Variants in CIB4 observed in about 807,000 individuals in gnomAD.
CIB4 encodes the protein calcium and integrin binding family member 4, also known as calcium and integrin-binding family member 4.
A neutral mutation model predicts 25.8 loss-of-function variants in CIB4; 25 were observed. The observed-to-expected ratio is 0.97, with a 90% CI of 0.71 to 1.35. The LOEUF (loss-of-function observed/expected upper bound fraction) is 1.35. Ranked by LOEUF, CIB4 falls within the 40% of genes most tolerant of loss-of-function variation. The pLI is 0.00. For synonymous variants in CIB4, 75 were observed against 81.4 expected (o/e 0.92, Z 0.42); for missense variants, 235 against 228.2 (o/e 1.03, Z -0.19).
At position 26,621,167 on chromosome 2, in the gene CIB4, A is replaced by G. The variant is rs1669196754; in HGVS notation, c.186+8243T>C. On this transcript the variant is annotated intron_variant, in intron 3 of 6. Coordinates refer to ENST00000288861, the MANE Select transcript of CIB4 (RefSeq NM_001029881.3). ...TGAGTGGGTCCTCCGCGTGCCTCAC[A>G]CACAGGGGAAAGGACTCGTGCCAAC... Among the ~76,000 whole-genome samples the G allele has an allele frequency of 2.6e-5, 4 of 151,806 alleles. No homozygotes were observed. In the South Asian group the frequency reaches 8.4e-4, roughly 32 times the overall value.
chr2:26,599,945 C>T lies in CIB4; in HGVS notation c.187-4628G>A, dbSNP rs1454168116. On this transcript the variant is annotated intron_variant, in intron 3 of 6. Transcript: ENST00000288861. ...AAAATTAGCTGGACATGGTGGCGTG[C>T]ACCTGTAGTCCCAGCTACTCAGGAG... Among the ~76,000 whole-genome samples, 5 of 146,548 alleles carry T rather than the reference C, an allele frequency of 3.4e-5. 1 individual carries two copies. The highest frequency in any genetic ancestry group is 1.3e-4 in the African/African-American group (5 of 38,166).
At position 26,638,959 on chromosome 2, in the gene CIB4, A is replaced by C. The variant is rs574063512; in HGVS notation, c.89+1574T>G. On this transcript the variant is annotated intron_variant, in intron 2 of 6. Transcript: ENST00000288861. ...AGAGCAAGACTCTGTCTCAAAAAAA[A>C]CCCCAAAAGCTTAAAAAAAAAAAAG... 3.6e-4 allele frequency among the ~76,000 whole-genome samples: 55 copies of C among 151,748 alleles called. No homozygotes were observed. The South Asian group carries it at 0.01, about 28-fold the overall frequency.
Position 26,588,978 on chromosome 2 carries a change from T to TTTCTTCTTCTTC in CIB4, c.329-5092_329-5081dup, listed in dbSNP as rs879474454. On this transcript the variant is annotated intron_variant, in intron 4 of 6. Transcript: ENST00000288861. Reference sequence around the variant, plus strand: ...CTGCTGCCGCTGCTGCCGCTTCTTCTTTCTTCTTCTTCTTCTTCTTCTTCT... The same window carrying TTTCTTCTTCTTC: ...CTGCTGCCGCTGCTGCCGCTTCTTCTTTCTTCTTCTTCTTCTTCTTCTTCTTCTTCTTCTTCT... Among the ~76,000 whole-genome samples the TTTCTTCTTCTTC allele has an allele frequency of 1.9e-3, 133 of 69,876 alleles. 3 individuals carry two copies. The highest frequency in any genetic ancestry group is 4.2e-3 in the East Asian group (11 of 2,600). The allele number at this position is 69,876 out of a possible 152,430, so 45.8% of individuals were successfully genotyped here.
chr2:26,623,493 T>TGTTCTAAGCAGATAGGAACTA, intron 3 of CIB4: 1 of 470,186 alleles, frequency 2.1e-6, no homozygotes, highest in Non-Finnish European at 4.4e-6. Flanking sequence ...CTTTGCAAGC[T>TGTTCTAAGCAGATAGGAACTA]GTTCTAAGCA....
chr2:26,641,059 AT>A (rs199568581), intron 1 of CIB4, among the ~76,000 whole-genome samples: 17 of 151,878 alleles, frequency 1.1e-4, no homozygotes, highest in Admixed American at 3.3e-4. Flanking sequence ...TTTTTTCGTG[AT>A]TTTTTTTTAT....
intron 4 of CIB4, among the ~76,000 whole-genome samples, chr2:26,589,093 T>TTCTTCTTCTTCC (rs1572540471): frequency 2.2e-5 from 2 of 92,840 alleles, no homozygotes; most frequent in Non-Finnish European, 2.0e-5. Context: ...CTTCTTCTTC[T>TTCTTCTTCTTCC]TCTTCTTCTT....
chr2:26,583,678 G>A (rs1003180737), intron 5 of CIB4, 111 bp downstream of exon 5: 2 of 732,054 alleles, frequency 2.7e-6, no homozygotes, highest in Non-Finnish European at 5.0e-6. Flanking sequence ...TCTGCCTCAG[G>A]CTGGCCCTGG....
intron 3 of CIB4, among the ~76,000 whole-genome samples, chr2:26,604,131 A>C (rs1572552771): frequency 6.8e-6 from 1 of 147,158 alleles, no homozygotes; most frequent in Non-Finnish European, 1.5e-5. Context: ...TGGAATCCCA[A>C]CACTTTGGGA....
intron 3 of CIB4, among the ~76,000 whole-genome samples, chr2:26,607,045 C>T (rs929918430): frequency 1.3e-5 from 2 of 152,186 alleles, no homozygotes; most frequent in Admixed American, 6.5e-5. Flanking sequence ...AGGTACCTGC[C>T]ACTCCCTGGA....
At chr2:26,609,642 A>G (rs1668959037) in intron 3 of CIB4, among the ~76,000 whole-genome samples, 1 of 152,132 alleles carries the variant, frequency 6.6e-6, no homozygotes, top group Non-Finnish European at 1.5e-5. Context: ...TGGGCCAGAG[A>G]GGAGGAGGGA....
intron 4 of CIB4, among the ~76,000 whole-genome samples, chr2:26,585,830 A>G (rs181827824): frequency 7.2e-5 from 11 of 151,910 alleles, no homozygotes; most frequent in Admixed American, 7.2e-4. Context: ...AGTCCCTCAT[A>G]TGCTACCTGT....
rs1668668537 is a variant in CIB4, at chr2:26,595,688, T to C, written c.187-371A>G. Reference sequence around the variant, plus strand: ...GCATCCAGGCAGAAATAACAAGAAGTCCTGCATCAATTTTCTTGTCCTGTG... The same window carrying C: ...GCATCCAGGCAGAAATAACAAGAAGCCCTGCATCAATTTTCTTGTCCTGTG... On this transcript the variant is annotated intron_variant, in intron 3 of 6. Coordinates refer to ENST00000288861, the MANE Select transcript of CIB4 (RefSeq NM_001029881.3). Among the ~76,000 whole-genome samples the C allele has an allele frequency of 2.0e-5, 3 of 152,226 alleles. No homozygotes were observed. In the South Asian group the frequency reaches 6.2e-4, roughly 32 times the overall value.
chr2:26,598,299 C>T (rs1294040323), intron 3 of CIB4, among the ~76,000 whole-genome samples: 9 of 120,496 alleles, frequency 7.5e-5, no homozygotes. Flanking sequence ...GACTCCATCT[C>T]AAAAAAAAAA....
intron 3 of CIB4, among the ~76,000 whole-genome samples, chr2:26,609,884 C>A (rs1328257111): frequency 1.3e-5 from 2 of 152,224 alleles, no homozygotes; most frequent in East Asian, 1.9e-4. Context: ...AAAACACAAT[C>A]TGTACCTGTA....
At position 26,589,098 on chromosome 2, in the gene CIB4, CTTCTTCTTCCTCTTCT is replaced by C. The variant is rs1668529567; in HGVS notation, c.329-5216_329-5201del. ...TCTTCTTCTTCTTCTTCTTCTTCTT[CTTCTTCTTCCTCTTCT>C]TCTTCTTCTTCTTCTTCTTCTTCTT... On this transcript the variant is annotated intron_variant, in intron 4 of 6. Transcript: ENST00000288861. Among the ~76,000 whole-genome samples, 4 of 118,730 alleles carry C rather than the reference CTTCTTCTTCCTCTTCT, an allele frequency of 3.4e-5. 1 individual carries two copies. The highest frequency in any genetic ancestry group is 1.2e-4 in the African/African-American group (3 of 25,122). 77.9% of individuals were successfully genotyped at this position (118,730 alleles called of 152,430 possible). A position where few individuals can be genotyped will look rare whatever the true frequency, so the allele number is the denominator to read the frequency against.
intron 3 of CIB4, among the ~76,000 whole-genome samples, chr2:26,619,872 G>A (rs1669169785): frequency 6.7e-6 from 1 of 150,326 alleles, no homozygotes; most frequent in Non-Finnish European, 1.5e-5. Flanking sequence ...TGAGGAAGCA[G>A]GACCCTAAGC....
intron 3 of CIB4, among the ~76,000 whole-genome samples, chr2:26,601,231 A>AAAAAAAAT (rs1395827334): frequency 2.9e-4 from 5 of 17,222 alleles, no homozygotes; most frequent in African/African-American, 7.5e-4. Flanking sequence ...AAAAAAAAAA[A>AAAAAAAAT]ATATATATAT....
chr2:26,591,526 A>T (rs145290150), intron 4 of CIB4, among the ~76,000 whole-genome samples: 1 of 152,246 alleles, frequency 6.6e-6, no homozygotes, highest in Non-Finnish European at 1.5e-5. Flanking sequence ...GTCCTGCCTC[A>T]CTTCCACCAT....
chr2:26,604,002 T>TA (rs1213333682), intron 3 of CIB4, among the ~76,000 whole-genome samples: 5,819 of 103,162 alleles, frequency 0.056, 384 homozygotes, highest in African/African-American at 0.17. Flanking sequence ...GAGCATACCT[T>TA]AAAAAAAAAA....
Sources: gnomAD v4.1 joint callset for allele counts (sites outside exome capture counted in the v4.1 genomes callset) on GRCh38, gnomAD v4.1.1 for gene constraint, MANE v1.5 for transcripts, NCBI Gene and HGNC (gene_info 2026-07-23, HGNC 2026-07-21) for gene names.